The following CNTLN variants were observed in gnomAD, a reference collection of about 807,000 sequenced individuals.
CNTLN encodes centlein, centrosomal protein.
A neutral mutation model predicts 180.0 loss-of-function variants in CNTLN; 212 were observed. The ratio of observed to expected loss-of-function variants is 1.18; its 90% CI spans 1.05 to 1.32. CNTLN has a LOEUF of 1.32. Among genes scored for constraint, CNTLN ranks in the 40% most tolerant of loss-of-function variants. The pLI is 0.00. For missense variants in CNTLN, 2,095 were observed against 1,610.9 expected (o/e 1.30, Z -5.14); for synonymous variants, 722 against 563.1 (o/e 1.28, Z -3.99).
At chr9:17,453,416 C>A (rs1588032447) in intron 18 of CNTLN, among the ~76,000 whole-genome samples, 1 of 152,098 alleles carries the variant, frequency 6.6e-6, no homozygotes, top group Admixed American at 6.5e-5. Flanking sequence ...ATTATATAAA[C>A]TCTACGCACT....
At chr9:17,347,366 A>G (rs376774763) in intron 12 of CNTLN, among the ~76,000 whole-genome samples, 75 of 152,286 alleles carry the variant, frequency 4.9e-4, no homozygotes, top group South Asian at 1.0e-3. Flanking sequence ...TAAGTTGAAA[A>G]TATCGTAGGT....
intron 2 of CNTLN, among the ~76,000 whole-genome samples, chr9:17,222,127 A>G (rs1824177980): frequency 6.6e-6 from 1 of 152,028 alleles, no homozygotes; most frequent in South Asian, 2.1e-4. Context: ...AAAAAAACAA[A>G]AACAAAAACA....
intron 12 of CNTLN, among the ~76,000 whole-genome samples, chr9:17,357,465 T>G (rs1822940367): frequency 6.6e-6 from 1 of 151,226 alleles, no homozygotes; most frequent in Non-Finnish European, 1.5e-5. Flanking sequence ...CAGACATGAG[T>G]CCATATACAT....
intron 6 of CNTLN, among the ~76,000 whole-genome samples, chr9:17,289,424 C>G (rs1201857084): frequency 3.3e-5 from 4 of 121,576 alleles, no homozygotes; most frequent in East Asian, 4.8e-4. Flanking sequence ...CGACCTTTCT[C>G]TCTGGCTGCC....
At chr9:17,311,818 G>GA (rs979752491) in intron 8 of CNTLN, among the ~76,000 whole-genome samples, 38 of 151,080 alleles carry the variant, frequency 2.5e-4, no homozygotes, top group African/African-American at 8.5e-4. Flanking sequence ...GAAGAAAAAA[G>GA]AAAAAAAAGA....
rs568886535 is a variant in CNTLN, at chr9:17,152,360, T to C, written c.449+8984T>C. Among the ~76,000 whole-genome samples, 46 of 152,352 alleles carry C rather than the reference T, an allele frequency of 3.0e-4. 1 individual carries two copies. Among genetic ancestry groups the C allele is most frequent in the African/African-American group, 1.1e-3 (45 of 41,584 alleles). Reference sequence around the variant, plus strand: ...GTCCCAGAGATTCGGGTATGTTGTCTCTTTGTTCTCATTGGTGTCAAAGAA... The same window carrying C: ...GTCCCAGAGATTCGGGTATGTTGTCCCTTTGTTCTCATTGGTGTCAAAGAA... On this transcript the variant is annotated intron_variant, in intron 2 of 25. Coordinates refer to ENST00000380647, the MANE Select transcript of CNTLN (RefSeq NM_017738.4).
chr9:17,257,339 G>A (rs1490456670), intron 5 of CNTLN, among the ~76,000 whole-genome samples: 1 of 152,108 alleles, frequency 6.6e-6, no homozygotes, highest in Non-Finnish European at 1.5e-5. Context: ...GTATTCCATG[G>A]TGTATATGTG....
Position 17,259,046 on chromosome 9 carries a change from T to C in CNTLN, c.850-14687T>C, listed in dbSNP as rs553098297. Among the ~76,000 whole-genome samples the C allele has an allele frequency of 9.7e-4, 144 of 148,974 alleles. 2 individuals carry two copies. In the East Asian group the frequency reaches 0.026, roughly 27 times the overall value. On this transcript the variant is annotated intron_variant, in intron 5 of 25. Transcript: ENST00000380647. ...GTGGTGAGAGAGGGCATCCCTGTCT[T>C]GTGCCAGTTTTCAAAGGGAATGCTT...
chr9:17,200,712 T>A (rs1822462197), intron 2 of CNTLN, among the ~76,000 whole-genome samples: 1 of 152,204 alleles, frequency 6.6e-6, no homozygotes, highest in Admixed American at 6.5e-5. Flanking sequence ...CTGAAGTTGC[T>A]TACCAGCATA....
rs142706171 is a variant in CNTLN at position 17,302,744 on chromosome 9, A to G, written c.1146+4392A>G. Reference sequence around the variant, plus strand: ...TTTAATTTAAATATTACTCTAGTCCATTTAATGTTTGACTTTGGGTGGATG... The same window carrying G: ...TTTAATTTAAATATTACTCTAGTCCGTTTAATGTTTGACTTTGGGTGGATG... On this transcript the variant is annotated intron_variant, in intron 7 of 25. Coordinates refer to ENST00000380647, the MANE Select transcript of CNTLN (RefSeq NM_017738.4). Among the ~76,000 whole-genome samples, 790 of 152,290 alleles carry G rather than the reference A, an allele frequency of 5.2e-3. 5 individuals are homozygous for G. Among genetic ancestry groups the G allele is most frequent in the African/African-American group, 0.018 (758 of 41,574 alleles).
chr9:17,320,289 A>G (rs898711735), intron 8 of CNTLN, among the ~76,000 whole-genome samples: 6 of 152,168 alleles, frequency 3.9e-5, no homozygotes, highest in African/African-American at 1.2e-4. Flanking sequence ...TTATTACAAA[A>G]TATTTGCAAC....
chr9:17,394,303 A>T (rs923693709), intron 14 of CNTLN, among the ~76,000 whole-genome samples: 1 of 152,132 alleles, frequency 6.6e-6, no homozygotes, highest in African/African-American at 2.4e-5. Flanking sequence ...TAGTTCTGTC[A>T]CTGTGTAGAA....
chr9:17,413,553 C>G (rs957983937), intron 16 of CNTLN, among the ~76,000 whole-genome samples: 3 of 152,058 alleles, frequency 2.0e-5, no homozygotes, highest in Admixed American at 2.0e-4. Flanking sequence ...AAAGAACACT[C>G]AAAACTTAAC....
At chr9:17,386,388 G>C (rs1202375159) in intron 13 of CNTLN, among the ~76,000 whole-genome samples, 1 of 152,108 alleles carries the variant, frequency 6.6e-6, no homozygotes, top group African/African-American at 2.4e-5. Flanking sequence ...GTTTATACTA[G>C]TAAAAGTAAA....
chr9:17,518,610 A>T, the CNTLN span, among the ~76,000 whole-genome samples: 1 of 152,338 alleles, frequency 6.6e-6, no homozygotes, highest in African/African-American at 2.4e-5. Flanking sequence ...ATGAATATTT[A>T]TGTCAGCTCT....
chr9:17,510,364 AAT>A, the CNTLN span, among the ~76,000 whole-genome samples: 1 of 152,206 alleles, frequency 6.6e-6, no homozygotes, highest in Non-Finnish European at 1.5e-5. Context: ...TTTTGAAATG[AAT>A]ATGTTTGTGC....
intron 7 of CNTLN, 40 bp from the exon 8 acceptor site, chr9:17,309,018 A>G (rs763120306): frequency 5.2e-6 from 7 of 1,345,802 alleles, no homozygotes; most frequent in Non-Finnish European, 7.0e-6. Flanking sequence ...ACATAGTTTT[A>G]TTGATTATTA....
chr9:17,411,391 G>C (rs1324597858), intron 16 of CNTLN, among the ~76,000 whole-genome samples: 1 of 152,098 alleles, frequency 6.6e-6, no homozygotes, highest in African/African-American at 2.4e-5. Flanking sequence ...ATCTGTAAAG[G>C]CCTAATGGGA....
chr9:17,202,343 G>T (rs984833410), intron 2 of CNTLN, among the ~76,000 whole-genome samples: 1 of 152,126 alleles, frequency 6.6e-6, no homozygotes, highest in Non-Finnish European at 1.5e-5. Context: ...GTAGATGTCT[G>T]TTAGTTCCCC....
Sources: allele counts gnomAD v4.1 joint callset (sites outside exome capture counted in the v4.1 genomes callset), GRCh38; gene constraint gnomAD v4.1.1; transcripts MANE v1.5; gene names NCBI Gene and HGNC (gene_info 2026-07-23, HGNC 2026-07-21).